FNDC3A: variants seen among roughly 807,000 people sequenced by gnomAD.
The protein encoded by FNDC3A is fibronectin type III domain containing 3A.
Under a neutral mutation model 148.9 loss-of-function variants are expected in FNDC3A, and 32 were observed. That is an observed-to-expected ratio of 0.21 (90% CI 0.16 to 0.29). The LOEUF (loss-of-function observed/expected upper bound fraction) is 0.29. Ranked by LOEUF, FNDC3A falls within the 10% of genes least tolerant of loss-of-function variation. The pLI is 1.00. For missense variants in FNDC3A, 1,191 were observed against 1,452.8 expected, an observed-to-expected ratio of 0.82 and a Z score of 2.93; for synonymous variants, 472 against 473.6, an observed-to-expected ratio of 1.00 and a Z score of 0.04.
At chr13:49,053,192 T>G (rs918848166) in intron 2 of FNDC3A, among the ~76,000 whole-genome samples, 4 of 152,176 alleles carry the variant, frequency 2.6e-5, no homozygotes, top group African/African-American at 9.7e-5. Context: ...TTTCGGCATT[T>G]TGGGGAGCCT....
At chr13:48,991,516 G>A (rs770833423) in intron 1 of FNDC3A, among the ~76,000 whole-genome samples, 50 of 151,748 alleles carry the variant, frequency 3.3e-4, no homozygotes, top group Non-Finnish European at 5.2e-4. Flanking sequence ...GTGAAACTAC[G>A]TCTCTACAAA....
intron 2 of FNDC3A, among the ~76,000 whole-genome samples, chr13:49,028,214 TAA>T (rs534780707): frequency 6.9e-6 from 1 of 145,432 alleles, no homozygotes; most frequent in African/African-American, 2.5e-5. Flanking sequence ...GACTCTGTCT[TAA>T]AAAAAAAAAA....
rs2138151623 is a variant in FNDC3A at position 49,207,409 on chromosome 13, T to C, written c.*14T>C. ...GTAATCAAGTGAAAATATAACTTTA[T>C]TTTTTAACTCTATTACATTTTATTT... is the stretch of plus-strand genomic sequence containing the variant. On this transcript the variant is annotated 3_prime_UTR_variant, in exon 26 of 26. Transcript: ENST00000492622. 4.2e-6 allele frequency: 6 copies of C among 1,438,040 alleles called. No individual in the cohort carries two copies. The highest frequency in any genetic ancestry group is 1.4e-5 in the African/African-American group (1 of 70,318). The allele number at this position is 1,438,040 out of a possible 1,614,324, so 89.1% of individuals were successfully genotyped here.
At chr13:48,999,392 C>G (rs150709440) in intron 1 of FNDC3A, among the ~76,000 whole-genome samples, 2 of 152,274 alleles carry the variant, frequency 1.3e-5, no homozygotes, top group African/African-American at 2.4e-5. Flanking sequence ...GCCTGTCCCA[C>G]GATTGTCTTT....
At position 49,088,601 on chromosome 13, in the gene FNDC3A, A is replaced by G. The variant is rs1878971676; in HGVS notation, c.175+13237A>G. ...TATTTGAACCAGTAGCATTCGACCC[A>G]GTATATTTAACCCAGTGTATTATTT... is the stretch of plus-strand genomic sequence containing the variant. On this transcript the variant is annotated intron_variant, in intron 3 of 25. Transcript: ENST00000492622. Among the ~76,000 whole-genome samples the G allele has an allele frequency of 3.3e-5, 5 of 152,276 alleles. No homozygotes were observed. In the South Asian group the frequency reaches 1.0e-3, roughly 32 times the overall value.
chr13:49,001,432 A>C (rs1952124218), intron 1 of FNDC3A, among the ~76,000 whole-genome samples: 1 of 152,214 alleles, frequency 6.6e-6, no homozygotes, highest in Admixed American at 6.5e-5. Flanking sequence ...ACCTTGATAA[A>C]ACAGGATAAC....
chr13:49,101,908 G>C (rs904079074), intron 3 of FNDC3A, among the ~76,000 whole-genome samples: 1 of 151,550 alleles, frequency 6.6e-6, no homozygotes, highest in East Asian at 1.9e-4. Context: ...TAACAGCGTG[G>C]TCCTTGGTAC....
intron 2 of FNDC3A, among the ~76,000 whole-genome samples, chr13:49,007,940 T>C (rs1481108121): frequency 6.6e-6 from 1 of 152,154 alleles, no homozygotes; most frequent in Non-Finnish European, 1.5e-5. Flanking sequence ...AACACTGGAC[T>C]GGCCTGATAG....
chr13:49,174,426 T>A lies in FNDC3A; in HGVS notation c.1231-9T>A. 2 of 1,608,044 alleles carry A rather than the reference T, an allele frequency of 1.2e-6. No homozygotes were observed. The highest frequency in any genetic ancestry group is 1.7e-6 in the Non-Finnish European group (2 of 1,174,978). Reference sequence around the variant, plus strand: ...TACATGGTATATAATAATCAGCCATTTCTTGTAGGGAAAAGGAAATGGAGA... The same window carrying A: ...TACATGGTATATAATAATCAGCCATATCTTGTAGGGAAAAGGAAATGGAGA... On this transcript the variant is annotated splice_polypyrimidine_tract_variant and intron_variant, in intron 11 of 25. Transcript: ENST00000492622.
intron 3 of FNDC3A, among the ~76,000 whole-genome samples, chr13:49,111,522 T>C (rs1288423106): frequency 6.6e-6 from 1 of 151,964 alleles, no homozygotes; most frequent in East Asian, 1.9e-4. Context: ...GGTTAGGAGT[T>C]CAAGACCAGC....
At chr13:49,174,408 T>C in intron 11 of FNDC3A, 27 bp from the exon 12 acceptor site, 1 of 1,587,014 alleles carries the variant, frequency 6.3e-7, no homozygotes. Flanking sequence ...ATGTACATGG[T>C]ATATAATAAT....
chr13:49,128,240 T>C (rs1241861239), intron 4 of FNDC3A, among the ~76,000 whole-genome samples: 2 of 152,180 alleles, frequency 1.3e-5, no homozygotes, highest in African/African-American at 4.8e-5. Flanking sequence ...GCTGCTTCCC[T>C]GGTCTTAGCT....
chr13:49,197,603 A>G, intron 20 of FNDC3A, 122 bp from the exon 21 acceptor site: 1 of 746,142 alleles, frequency 1.3e-6, no homozygotes, highest in Non-Finnish European at 2.2e-6. Context: ...ATTGTGCTTA[A>G]AAGTTTTAAA....
chr13:49,111,080 G>A (rs1343041298), intron 3 of FNDC3A, among the ~76,000 whole-genome samples: 1 of 152,156 alleles, frequency 6.6e-6, no homozygotes, highest in Admixed American at 6.5e-5. Context: ...TCTTGTGCCA[G>A]GCATACATTT....
chr13:48,993,190 C>T (rs534813764), intron 1 of FNDC3A, among the ~76,000 whole-genome samples: 14 of 152,294 alleles, frequency 9.2e-5, no homozygotes, highest in African/African-American at 3.4e-4. Context: ...ATACACCTTA[C>T]ATTGTTATCA....
chr13:49,052,660 C>T (rs918183633), intron 2 of FNDC3A, among the ~76,000 whole-genome samples: 1 of 152,132 alleles, frequency 6.6e-6, no homozygotes, highest in African/African-American at 2.4e-5. Context: ...GGCCTACAGC[C>T]AGGAGGTGGC....
intron 5 of FNDC3A, among the ~76,000 whole-genome samples, chr13:49,132,297 C>G (rs181031397): frequency 6.6e-6 from 1 of 152,166 alleles, no homozygotes; most frequent in South Asian, 2.1e-4. Flanking sequence ...TAATTATTTT[C>G]AAATATTAAT....
intron 4 of FNDC3A, among the ~76,000 whole-genome samples, chr13:49,130,228 G>T (rs920202800): frequency 1.3e-5 from 2 of 150,120 alleles, no homozygotes; most frequent in African/African-American, 2.4e-5. Context: ...TTTGTTTTTT[G>T]GTTTTTTTTT....
chr13:49,135,414 A>G (rs1882296700), intron 5 of FNDC3A, among the ~76,000 whole-genome samples: 1 of 152,078 alleles, frequency 6.6e-6, no homozygotes. Flanking sequence ...CGTCTAAGAA[A>G]CTATTGCCAA....
Sources: gnomAD v4.1 joint callset for allele counts (sites outside exome capture counted in the v4.1 genomes callset) on GRCh38, gnomAD v4.1.1 for gene constraint, MANE v1.5 for transcripts, NCBI Gene and HGNC (gene_info 2026-07-23, HGNC 2026-07-21) for gene names.